DCDC2C: variants seen among roughly 807,000 people sequenced by gnomAD.
DCDC2C encodes the protein doublecortin domain-containing protein 2C.
A neutral mutation model predicts 45.0 loss-of-function variants in DCDC2C; 44 were observed. That is an observed-to-expected ratio of 0.98 (90% CI 0.77 to 1.26). The LOEUF is 1.26. Among genes scored for constraint, DCDC2C ranks in the 50% most tolerant of loss-of-function variants. DCDC2C has a pLI of 0.00. For missense variants in DCDC2C, 447 were observed against 468.9 expected, an observed-to-expected ratio of 0.95 and a Z score of 0.43; for synonymous variants, 187 against 178.8, an observed-to-expected ratio of 1.05 and a Z score of -0.37.
chr2:3,813,069 T>TATA (rs1558238816), intron 10 of DCDC2C, among the ~76,000 whole-genome samples: 83 of 54,900 alleles, frequency 1.5e-3, no homozygotes, highest in Non-Finnish European at 2.4e-3. Context: ...ATATATATAT[T>TATA]TTTTTTTTTT....
intron 1 of DCDC2C, among the ~76,000 whole-genome samples, chr2:3,707,566 A>G (rs1427572446): frequency 6.6e-6 from 1 of 152,242 alleles, no homozygotes; most frequent in Non-Finnish European, 1.5e-5. Flanking sequence ...GGGAGAACTC[A>G]TGTAATAATA....
At chr2:3,785,001 T>C in intron 9 of DCDC2C, 58 bp from the exon 10 acceptor site, 1 of 1,175,480 alleles carries the variant, frequency 8.5e-7, no homozygotes, top group Non-Finnish European at 1.1e-6. Context: ...GATTAAGGAT[T>C]TATTTTACAA....
At chr2:3,729,867 G>A (rs1295319965) in intron 3 of DCDC2C, among the ~76,000 whole-genome samples, 1 of 152,144 alleles carries the variant, frequency 6.6e-6, no homozygotes, top group African/African-American at 2.4e-5. Flanking sequence ...GCTTGATGCT[G>A]CTGGACGCAT....
At chr2:3,706,744 T>C (rs1668073502) in intron 1 of DCDC2C, among the ~76,000 whole-genome samples, 1 of 152,190 alleles carries the variant, frequency 6.6e-6, no homozygotes, top group African/African-American at 2.4e-5. Context: ...ACCTGGGAAC[T>C]AGCCGCAGAT....
intron 5 of DCDC2C, among the ~76,000 whole-genome samples, chr2:3,753,436 C>T (rs573652274): frequency 4.6e-5 from 7 of 152,246 alleles, no homozygotes; most frequent in Admixed American, 2.0e-4. Context: ...TGGGTGGTTC[C>T]GAAGCCCATC....
intron 2 of DCDC2C, among the ~76,000 whole-genome samples, chr2:3,714,220 T>C (rs1209335209): frequency 1.3e-5 from 2 of 152,236 alleles, no homozygotes; most frequent in African/African-American, 4.8e-5. Context: ...AATATTGTAA[T>C]AGAAATGATT....
Position 3,723,422 on chromosome 2 carries a change from G to A in DCDC2C, c.340-3581G>A, listed in dbSNP as rs151136661. On this transcript the variant is annotated intron_variant, in intron 2 of 10. Transcript: ENST00000399143. ...AGAGGGGCAAACCAGACAAAGATCC[G>A]TGAGTATGTTCCAGGCTCAGGTCCT... 2.7e-4 allele frequency among the ~76,000 whole-genome samples: 41 copies of A among 152,316 alleles called. No homozygotes were observed. The East Asian group carries it at 6.0e-3, about 22-fold the overall frequency.
chr2:3,749,225 T>C (rs1485655269), intron 4 of DCDC2C, among the ~76,000 whole-genome samples: 1 of 152,214 alleles, frequency 6.6e-6, no homozygotes, highest in Non-Finnish European at 1.5e-5. Context: ...TAAAAAACAA[T>C]TTTGCAAATG....
At chr2:3,819,210 T>C (rs888102423) in intron 10 of DCDC2C, among the ~76,000 whole-genome samples, 10 of 152,244 alleles carry the variant, frequency 6.6e-5, no homozygotes, top group Admixed American at 6.5e-4. Flanking sequence ...TCAGAGAGCC[T>C]TGGGCCAGAG....
Position 3,711,485 on chromosome 2 carries a change from T to G in DCDC2C, c.339+2885T>G, listed in dbSNP as rs142705269. ...CCATAAAAAAAGAATAAGACCATAT[T>G]CTTTGCAGGGACATGGATGGAGTTG... is the stretch of plus-strand genomic sequence containing the variant. On this transcript the variant is annotated intron_variant, in intron 2 of 10. Transcript: ENST00000399143. Among the ~76,000 whole-genome samples, 280 of 152,232 alleles carry G rather than the reference T, an allele frequency of 1.8e-3. 1 individual carries two copies. The highest frequency in any genetic ancestry group is 0.017 in the Middle Eastern group (5 of 294).
At chr2:3,741,897 T>A (rs1422958827) in intron 3 of DCDC2C, 23 bp from the exon 4 acceptor site, 4 of 1,537,502 alleles carry the variant, frequency 2.6e-6, no homozygotes, top group Admixed American at 2.1e-5. Flanking sequence ...TATTAATGGA[T>A]GCTTTTCTTT....
At chr2:3,750,005 C>G (rs1005215183) in intron 4 of DCDC2C, among the ~76,000 whole-genome samples, 2 of 151,986 alleles carry the variant, frequency 1.3e-5, no homozygotes, top group East Asian at 1.9e-4. Context: ...CCTCTACCCC[C>G]CTCCACCCCA....
At chr2:3,843,744 G>C (rs2148248989) in intron 10 of DCDC2C, among the ~76,000 whole-genome samples, 1 of 152,230 alleles carries the variant, frequency 6.6e-6, no homozygotes, top group South Asian at 2.1e-4. Flanking sequence ...CACTAACTCA[G>C]AAAGAGCAAG....
rs529012145 is a variant in DCDC2C at position 3,754,026 on chromosome 2, C to T, written c.684-566C>T. The stretch of plus-strand genomic sequence containing the variant: ...AGTCGTTCTTTCTATCTGCCCCCTA[C>T]GTGTTTCCCACCTCTCAGTGTGTTT... On this transcript the variant is annotated intron_variant, in intron 5 of 10. Coordinates refer to ENST00000399143, the MANE Select transcript of DCDC2C (RefSeq NM_001287444.2). Among the ~76,000 whole-genome samples, 17 of 152,308 alleles carry T rather than the reference C, an allele frequency of 1.1e-4. No homozygotes were observed. The East Asian group carries it at 2.1e-3, about 19-fold the overall frequency.
intron 6 of DCDC2C, among the ~76,000 whole-genome samples, chr2:3,759,382 A>G (rs1669815261): frequency 6.6e-6 from 1 of 152,250 alleles, no homozygotes; most frequent in Admixed American, 6.5e-5. Flanking sequence ...AAATTAAAGC[A>G]TGCTGACATA....
intron 10 of DCDC2C, among the ~76,000 whole-genome samples, chr2:3,822,380 G>T (rs1671712326): frequency 6.6e-6 from 1 of 151,998 alleles, no homozygotes; most frequent in African/African-American, 2.4e-5. Context: ...TATAAATTTT[G>T]TGTAGGTTAT....
intron 6 of DCDC2C, among the ~76,000 whole-genome samples, chr2:3,759,420 A>T (rs1460607790): frequency 6.6e-6 from 1 of 152,164 alleles, no homozygotes; most frequent in Non-Finnish European, 1.5e-5. Flanking sequence ...TTTCTTTCTT[A>T]GTGGTTTATA....
intron 10 of DCDC2C, among the ~76,000 whole-genome samples, chr2:3,836,791 G>A (rs1243206025): frequency 1.3e-5 from 2 of 151,822 alleles, no homozygotes; most frequent in Non-Finnish European, 2.9e-5. Context: ...GAACCCGGGA[G>A]GCGGAGCTTG....
At chr2:3,788,181 G>C (rs896964920) in intron 10 of DCDC2C, among the ~76,000 whole-genome samples, 1 of 152,110 alleles carries the variant, frequency 6.6e-6, no homozygotes, top group Admixed American at 6.5e-5. Context: ...TGACGATAGT[G>C]ACAAATAGAT....
Sources: allele counts gnomAD v4.1 joint callset (sites outside exome capture counted in the v4.1 genomes callset), GRCh38; gene constraint gnomAD v4.1.1; transcripts MANE v1.5; gene names NCBI Gene and HGNC (gene_info 2026-07-23, HGNC 2026-07-21).